Variants in ARL6IP5 observed in about 807,000 individuals in gnomAD.
The protein encoded by ARL6IP5 is PRA1 family protein 3.
A neutral mutation model predicts 13.0 loss-of-function variants in ARL6IP5; 6 were observed. That is an observed-to-expected ratio of 0.46 (90% CI 0.25 to 0.91). The LOEUF (loss-of-function observed/expected upper bound fraction) is 0.91, where lower values mean the gene tolerates loss of function less well. Among genes scored for constraint, ARL6IP5 ranks in the 40% least tolerant of loss-of-function variants. The pLI is 0.17. For missense variants in ARL6IP5, 208 were observed against 248.8 expected (o/e 0.84, Z 1.10); for synonymous variants, 91 against 91.9 (o/e 0.99, Z 0.06).
At chr3:69,092,028 T>C (rs1258065775) in intron 1 of ARL6IP5, among the ~76,000 whole-genome samples, 2 of 152,134 alleles carry the variant, frequency 1.3e-5, no homozygotes, top group East Asian at 3.8e-4. Context: ...GAAATGAGCG[T>C]GGCTTCCTGT....
At chr3:69,098,568 T>C (rs1203212450) in intron 1 of ARL6IP5, among the ~76,000 whole-genome samples, 2 of 151,990 alleles carry the variant, frequency 1.3e-5, no homozygotes, top group East Asian at 3.9e-4. Context: ...TTTTTGTATT[T>C]TTAGTAGAGG....
chr3:69,093,774 AAAG>A (rs1166509160), intron 1 of ARL6IP5, among the ~76,000 whole-genome samples: 5 of 151,036 alleles, frequency 3.3e-5, no homozygotes, highest in African/African-American at 1.2e-4. Flanking sequence ...AAAAAAAAAA[AAAG>A]AAAAGAAAAG....
At chr3:69,087,102 C>G (rs889716093) in intron 1 of ARL6IP5, among the ~76,000 whole-genome samples, 1 of 152,132 alleles carries the variant, frequency 6.6e-6, no homozygotes, top group Non-Finnish European at 1.5e-5. Context: ...CTCACTACAG[C>G]CTCAACCTCC....
intron 1 of ARL6IP5, among the ~76,000 whole-genome samples, chr3:69,091,665 T>C (rs1414517286): frequency 1.3e-5 from 2 of 150,788 alleles, no homozygotes; most frequent in African/African-American, 4.9e-5. Context: ...TTTTTTTTTT[T>C]TTTTTTTTTC....
At chr3:69,085,577 A>C (rs1411281306) in intron 1 of ARL6IP5, among the ~76,000 whole-genome samples, 1 of 152,168 alleles carries the variant, frequency 6.6e-6, no homozygotes, top group African/African-American at 2.4e-5. Context: ...TCGTCTTTTA[A>C]AAATAAGAAG....
intron 1 of ARL6IP5, among the ~76,000 whole-genome samples, chr3:69,099,529 A>C (rs1319850590): frequency 6.6e-6 from 1 of 152,224 alleles, no homozygotes; most frequent in African/African-American, 2.4e-5. Flanking sequence ...CTTAATTTTA[A>C]AATGTTCAAA....
intron 1 of ARL6IP5, among the ~76,000 whole-genome samples, chr3:69,093,384 T>C (rs1247768686): frequency 6.6e-6 from 1 of 152,226 alleles, no homozygotes; most frequent in East Asian, 1.9e-4. Context: ...GACAGGCTCC[T>C]GTTCAGTTTT....
At chr3:69,100,681 T>C (rs2092302274) in intron 1 of ARL6IP5, among the ~76,000 whole-genome samples, 1 of 151,454 alleles carries the variant, frequency 6.6e-6, no homozygotes, top group Non-Finnish European at 1.5e-5. Flanking sequence ...CTCGGGAGGC[T>C]GAGGCACAAG....
chr3:69,099,039 CTTA>C (rs1239750866), intron 1 of ARL6IP5, among the ~76,000 whole-genome samples: 1 of 148,016 alleles, frequency 6.8e-6, no homozygotes, highest in African/African-American at 2.5e-5. Context: ...AAATTAGCAA[CTTA>C]TTATTGTAGA....
intron 1 of ARL6IP5, among the ~76,000 whole-genome samples, chr3:69,089,502 T>TA (rs1559652258): frequency 6.6e-6 from 1 of 152,138 alleles, no homozygotes; most frequent in East Asian, 1.9e-4. Context: ...ATTGCTGTCT[T>TA]ATTCTGAAAA....
At chr3:69,102,852 T>C (rs2092310483) in intron 2 of ARL6IP5, among the ~76,000 whole-genome samples, 1 of 152,206 alleles carries the variant, frequency 6.6e-6, no homozygotes. Context: ...ATACTCAGAT[T>C]CTGGTGAAGA....
At chr3:69,089,379 G>T (rs1278870317) in intron 1 of ARL6IP5, among the ~76,000 whole-genome samples, 1 of 152,110 alleles carries the variant, frequency 6.6e-6, no homozygotes, top group Non-Finnish European at 1.5e-5. Flanking sequence ...AACTAAAGCT[G>T]CTAATAATAG....
At chr3:69,096,751 A>G (rs1416797563) in intron 1 of ARL6IP5, among the ~76,000 whole-genome samples, 2 of 151,750 alleles carry the variant, frequency 1.3e-5, no homozygotes, top group Non-Finnish European at 2.9e-5. Flanking sequence ...TTACAGGCAC[A>G]TGCCACCAAG....
chr3:69,086,944 C>T (rs913937622), intron 1 of ARL6IP5, among the ~76,000 whole-genome samples: 2 of 151,984 alleles, frequency 1.3e-5, no homozygotes, highest in African/African-American at 2.4e-5. Context: ...GTGATCTGCC[C>T]GCCTCAGCCT....
intron 1 of ARL6IP5, among the ~76,000 whole-genome samples, chr3:69,094,819 T>C (rs2092281889): frequency 6.6e-6 from 1 of 152,200 alleles, no homozygotes; most frequent in Non-Finnish European, 1.5e-5. Flanking sequence ...TGTATATTCT[T>C]TAGCTTGCTT....
At chr3:69,101,544 C>T (rs528415736) in intron 1 of ARL6IP5, among the ~76,000 whole-genome samples, 1 of 151,878 alleles carries the variant, frequency 6.6e-6, no homozygotes, top group East Asian at 1.9e-4. Context: ...TGGTCTTGAA[C>T]CCCTGGGCTC....
chr3:69,102,139 A>G lies in ARL6IP5; in HGVS notation c.394+83A>G, dbSNP rs559362142. On this transcript the variant is annotated intron_variant, in intron 2 of 2. Coordinates refer to ENST00000273258, the MANE Select transcript of ARL6IP5 (RefSeq NM_006407.4). ...ACGGGAATTCCATAACCCATTTCTT[A>G]TATGTGTTGGCATGTCAGCAAAAGT... 174 of 1,453,532 alleles carry G rather than the reference A, an allele frequency of 1.2e-4. No individual in the cohort carries two copies. In the African/African-American group the frequency reaches 2.1e-3, roughly 17 times the overall value. 90.0% of individuals were successfully genotyped at this position (1,453,532 alleles called of 1,614,324 possible).
chr3:69,092,155 A>G (rs1410816089), intron 1 of ARL6IP5, among the ~76,000 whole-genome samples: 1 of 152,130 alleles, frequency 6.6e-6, no homozygotes, highest in African/African-American at 2.4e-5. Flanking sequence ...CAGGCTAACA[A>G]CTTCAGGTTT....
rs1272986599 is a variant in ARL6IP5 at position 69,104,653 on chromosome 3, C to A, written c.*17C>A. 1 of 1,608,030 alleles carries A rather than the reference C, an allele frequency of 6.2e-7. No individual in the cohort carries two copies. ...AAGGAATAAACATAACTTACCTGAG[C>A]TAGGGTTGCAGCAGAAATTGAGTTG... On this transcript the variant is annotated 3_prime_UTR_variant, in exon 3 of 3. Coordinates refer to ENST00000273258, the MANE Select transcript of ARL6IP5 (RefSeq NM_006407.4).
Sources: allele counts gnomAD v4.1 joint callset (sites outside exome capture counted in the v4.1 genomes callset), GRCh38; gene constraint gnomAD v4.1.1; transcripts MANE v1.5; gene names NCBI Gene and HGNC (gene_info 2026-07-23, HGNC 2026-07-21).